GRIK4: variants seen among roughly 807,000 people sequenced by gnomAD.
The protein encoded by GRIK4 is glutamate ionotropic receptor kainate type subunit 4, also known as glutamate receptor ionotropic, kainate 4.
In GRIK4, 40 loss-of-function variants were observed where a neutral mutation model predicts 104.9. That is an observed-to-expected ratio of 0.38 (90% CI 0.30 to 0.50). GRIK4 has a LOEUF of 0.50. GRIK4 is among the 20% of genes least tolerant of loss of function. The pLI is 0.93. For missense variants in GRIK4, 1,047 were observed against 1,308.1 expected, an observed-to-expected ratio of 0.80 and a Z score of 3.08; for synonymous variants, 485 against 524.9, an observed-to-expected ratio of 0.92 and a Z score of 1.04.
chr11:120,918,086 AC>A (rs905304914), intron 13 of GRIK4, among the ~76,000 whole-genome samples: 2 of 152,164 alleles, frequency 1.3e-5, no homozygotes, highest in African/African-American at 4.8e-5. Context: ...TGAGGATGTT[AC>A]CTGTGGGCTT....
chr11:120,580,730 G>A (rs554266106), intron 1 of GRIK4, among the ~76,000 whole-genome samples: 7 of 152,186 alleles, frequency 4.6e-5, no homozygotes, highest in Admixed American at 2.0e-4. Flanking sequence ...AACTGCACCC[G>A]GTTTTGAGTA....
intron 7 of GRIK4, among the ~76,000 whole-genome samples, chr11:120,834,299 T>TGTGTGG (rs1555075102): frequency 2.0e-5 from 3 of 149,540 alleles, no homozygotes; most frequent in African/African-American, 4.9e-5. Flanking sequence ...TGTGTGTGTG[T>TGTGTGG]GGCCATGCTT....
intron 1 of GRIK4, chr11:120,564,866 C>T (rs558003911): frequency 7.2e-5 from 11 of 152,168 alleles, no homozygotes; most frequent in African/African-American, 2.7e-4. Context: ...TGACTGGACC[C>T]GGCTCAGGAC....
intron 3 of GRIK4, among the ~76,000 whole-genome samples, chr11:120,779,699 T>C (rs1952113719): frequency 6.6e-6 from 1 of 152,218 alleles, no homozygotes; most frequent in African/African-American, 2.4e-5. Context: ...TGTTGGTTTT[T>C]CCCTCTATAC....
chr11:120,584,502 T>C (rs140543006), intron 1 of GRIK4, among the ~76,000 whole-genome samples: 1 of 152,188 alleles, frequency 6.6e-6, no homozygotes, highest in Non-Finnish European at 1.5e-5. Flanking sequence ...GTGAGTGAGA[T>C]AGAGACAGAG....
chr11:120,649,227 G>T (rs1949585099), intron 1 of GRIK4, among the ~76,000 whole-genome samples: 1 of 152,184 alleles, frequency 6.6e-6, no homozygotes, highest in African/African-American at 2.4e-5. Flanking sequence ...AGGGCTGAGG[G>T]GGGCTGATTC....
chr11:120,582,256 A>T (rs1365295397), intron 1 of GRIK4, among the ~76,000 whole-genome samples: 9 of 149,088 alleles, frequency 6.0e-5, no homozygotes, highest in Admixed American at 2.0e-4. Context: ...TTTTTTTTTT[A>T]AATAGTATGT....
chr11:120,593,739 A>G (rs1406716262), intron 1 of GRIK4, among the ~76,000 whole-genome samples: 2 of 152,136 alleles, frequency 1.3e-5, no homozygotes, highest in African/African-American at 4.8e-5. Context: ...TTTCATTTGA[A>G]TATCCTCCAT....
At chr11:120,868,128 G>T (rs1368916211) in intron 9 of GRIK4, 1 of 152,168 alleles carries the variant, frequency 6.6e-6, no homozygotes, top group African/African-American at 2.4e-5. Context: ...AGGGTTACAG[G>T]TGTGTATGTA....
chr11:120,988,267 G>A lies in GRIK4; in HGVS notation c.*2007G>A, dbSNP rs558011519. 1.3e-5 allele frequency: 2 copies of A among 152,062 alleles called. No homozygotes were observed. The highest frequency in any genetic ancestry group is 2.1e-4 in the South Asian group (1 of 4,812). The allele number at this position is 152,062 out of a possible 1,614,324, so 9.4% of individuals were successfully genotyped here. On this transcript the variant is annotated 3_prime_UTR_variant, in exon 21 of 21. Transcript: ENST00000527524. Reference sequence around the variant, plus strand: ...TTTTTTAAACCTTGCCTTGATCCTCGTGGAGAAACGTGGATTTGGTGGGAA... The same window carrying A: ...TTTTTTAAACCTTGCCTTGATCCTCATGGAGAAACGTGGATTTGGTGGGAA...
At chr11:120,609,720 G>A (rs1949010016) in intron 1 of GRIK4, among the ~76,000 whole-genome samples, 2 of 151,640 alleles carry the variant, frequency 1.3e-5, no homozygotes, top group Admixed American at 1.3e-4. Context: ...CACCATGTTG[G>A]CCAGGCTGGT....
At position 120,524,128 on chromosome 11, in the gene GRIK4, T is replaced by C. The variant is rs1947831519; in HGVS notation, c.-159+12241T>C. Reference sequence around the variant, plus strand: ...TTTTAATAGAGACAGGGTTTCATCATGTTAGCCAGGATGGTCTCGATCTCC... The same window carrying C: ...TTTTAATAGAGACAGGGTTTCATCACGTTAGCCAGGATGGTCTCGATCTCC... On this transcript the variant is annotated intron_variant, in intron 1 of 20. Transcript: ENST00000527524. This position sits in a 1 kb window ranked among gnomAD's most constrained non-coding sequence, Gnocchi z 4.5. 6.6e-6 allele frequency among the ~76,000 whole-genome samples: 1 copy of C among 152,168 alleles called. No individual in the cohort carries two copies. Among genetic ancestry groups the C allele is most frequent in the African/African-American group, 2.4e-5 (1 of 41,446 alleles).
chr11:120,672,379 G>A (rs1216711511), intron 3 of GRIK4, among the ~76,000 whole-genome samples: 1 of 151,962 alleles, frequency 6.6e-6, no homozygotes, highest in Non-Finnish European at 1.5e-5. Context: ...TTGCACCACT[G>A]CACTCCAGCC....
Position 120,859,713 on chromosome 11 carries a change from G to A in GRIK4, c.745-2246G>A, listed in dbSNP as rs75092570. 4.4e-3 allele frequency among the ~76,000 whole-genome samples: 674 copies of A among 152,310 alleles called. 2 individuals are homozygous for A. Among genetic ancestry groups the A allele is most frequent in the Non-Finnish European group, 7.1e-3 (486 of 68,024 alleles). On this transcript the variant is annotated intron_variant, in intron 8 of 20. Coordinates refer to ENST00000527524, the MANE Select transcript of GRIK4 (RefSeq NM_014619.5). ...AGCCATCTGCCCCCTTGTGCCTACC[G>A]ATAGCCCACAGCACATGGGCAGCTG...
intron 1 of GRIK4, among the ~76,000 whole-genome samples, chr11:120,623,531 G>T (rs1031769807): frequency 3.3e-5 from 5 of 152,100 alleles, no homozygotes; most frequent in African/African-American, 1.2e-4. Context: ...CCCCAACCAG[G>T]AATTCCTCCA....
chr11:120,831,732 T>C, intron 6 of GRIK4, 120 bp from the exon 7 acceptor site: 2 of 680,438 alleles, frequency 2.9e-6, no homozygotes, highest in South Asian at 1.9e-5. Context: ...ATGCTGTCAG[T>C]GGGGCCAGAC....
intron 1 of GRIK4, among the ~76,000 whole-genome samples, chr11:120,554,059 T>A: frequency 6.6e-6 from 1 of 151,976 alleles, no homozygotes; most frequent in East Asian, 1.9e-4. Context: ...TCCACACCCC[T>A]ACCCACTCAC....
At chr11:120,929,785 G>A (rs1309969163) in intron 13 of GRIK4, among the ~76,000 whole-genome samples, 1 of 152,170 alleles carries the variant, frequency 6.6e-6, no homozygotes, top group Non-Finnish European at 1.5e-5. Context: ...AGGGAACCGG[G>A]TCTGGGGCAG....
intron 1 of GRIK4, among the ~76,000 whole-genome samples, chr11:120,645,602 C>T (rs1055175481): frequency 2.6e-5 from 4 of 152,142 alleles, no homozygotes; most frequent in Non-Finnish European, 4.4e-5. Context: ...TTGGCATCCA[C>T]GTGGACATGG....
Sources: gnomAD v4.1 joint callset for allele counts (sites outside exome capture counted in the v4.1 genomes callset) on GRCh38, gnomAD v4.1.1 for gene constraint, Gnocchi (gnomAD v3.1) non-coding constraint, MANE v1.5 for transcripts, NCBI Gene and HGNC (gene_info 2026-07-23, HGNC 2026-07-21) for gene names.